The following USP6NL variants were observed in gnomAD, a reference collection of about 807,000 sequenced individuals.
USP6NL encodes the protein USP6 N-terminal-like protein.
USP6NL carries 26 observed loss-of-function variants against 61.9 expected under a neutral mutation model. The observed-to-expected ratio is 0.42, with a 90% CI of 0.31 to 0.58. USP6NL has a LOEUF of 0.58. Ranked by LOEUF, USP6NL falls within the 20% of genes least tolerant of loss-of-function variation. USP6NL has a pLI of 0.16. For synonymous variants in USP6NL, 432 were observed against 390.1 expected (o/e 1.11, Z -1.27); for missense variants, 1,114 against 1,034.3 (o/e 1.08, Z -1.06).
At chr10:11,512,595 T>C (rs527526216) in intron 5 of USP6NL, among the ~76,000 whole-genome samples, 1 of 152,336 alleles carries the variant, frequency 6.6e-6, no homozygotes, top group East Asian at 1.9e-4. Flanking sequence ...TGGCCCCAAT[T>C]CACCTTCCAG....
At chr10:11,467,860 G>A (rs1183908230) in intron 14 of USP6NL, among the ~76,000 whole-genome samples, 1 of 152,206 alleles carries the variant, frequency 6.6e-6, no homozygotes. Context: ...TAACAGAGAA[G>A]TATGAAGTTT....
At chr10:11,577,742 C>T (rs984778674) in intron 2 of USP6NL, among the ~76,000 whole-genome samples, 2 of 152,118 alleles carry the variant, frequency 1.3e-5, no homozygotes, top group Non-Finnish European at 2.9e-5. Flanking sequence ...CTCAGGTGAC[C>T]CGCCTGCCTC....
At chr10:11,570,252 G>A (rs943273828) in intron 2 of USP6NL, among the ~76,000 whole-genome samples, 2 of 152,136 alleles carry the variant, frequency 1.3e-5, no homozygotes, top group Non-Finnish European at 2.9e-5. Context: ...ACTGACTTTT[G>A]TCTCTGACCA....
At chr10:11,506,543 G>A (rs965235487) in intron 6 of USP6NL, among the ~76,000 whole-genome samples, 1 of 151,872 alleles carries the variant, frequency 6.6e-6, no homozygotes, top group African/African-American at 2.4e-5. Flanking sequence ...CAGCTACTTG[G>A]GAAGCTGAGG....
Position 11,485,173 on chromosome 10 carries a change from T to C in USP6NL, c.821A>G (p.Asp274Gly). ...GTTTTGTAAATAAATACTTACACGA[T>C]CAAGGAAACACTGAAAAAACCATTT... The part of the protein sequence containing the change: ...TMKWFFQCFL[D>G]RTPFTLNLRI... The change falls in exon 12 of 15, where the codon GAT becomes GGT. Residue 274 changes from aspartate to glycine, a missense_variant. Asp to Gly is a moderately conservative substitution (Grantham distance 94). Transcript: ENST00000609104. The surrounding 1 kb of genome is among the most constrained non-coding windows in gnomAD (Gnocchi z 4.8). 7 of 1,540,630 alleles carry C rather than the reference T, an allele frequency of 4.5e-6. No homozygotes were observed. Among genetic ancestry groups the C allele is most frequent in the Non-Finnish European group, 6.1e-6 (7 of 1,144,820 alleles).
chr10:11,515,097 T>C (rs1437816272), intron 5 of USP6NL, among the ~76,000 whole-genome samples: 1 of 152,186 alleles, frequency 6.6e-6, no homozygotes, highest in Non-Finnish European at 1.5e-5. Context: ...CTGGAACCAA[T>C]ATCTTCTTTG....
intron 1 of USP6NL, among the ~76,000 whole-genome samples, chr10:11,608,734 T>G (rs1564247914): frequency 6.6e-6 from 1 of 152,190 alleles, no homozygotes; most frequent in African/African-American, 2.4e-5. Context: ...CAGAAGGCAC[T>G]CAAAAAATAA....
intron 2 of USP6NL, among the ~76,000 whole-genome samples, chr10:11,579,767 T>C (rs572106190): frequency 1.6e-4 from 23 of 145,940 alleles, no homozygotes; most frequent in African/African-American, 4.6e-4. Context: ...ATGGGGGAGA[T>C]AGACTAGATC....
At chr10:11,494,729 G>A (rs1200864178) in intron 7 of USP6NL, among the ~76,000 whole-genome samples, 2 of 148,354 alleles carry the variant, frequency 1.3e-5, no homozygotes, top group African/African-American at 2.5e-5. Flanking sequence ...AGCTGAGGCA[G>A]AGAGAGAGAG....
intron 6 of USP6NL, 26 bp from the exon 7 acceptor site, chr10:11,501,234 G>T: frequency 6.4e-7 from 1 of 1,565,392 alleles, no homozygotes. Flanking sequence ...AGAAACTGAA[G>T]GTTACAAACT....
chr10:11,498,489 G>A (rs912815166), intron 7 of USP6NL, among the ~76,000 whole-genome samples: 1 of 151,826 alleles, frequency 6.6e-6, no homozygotes, highest in East Asian at 1.9e-4. Flanking sequence ...TAACCTTGGG[G>A]TGAAAAGTCA....
At chr10:11,547,750 C>T (rs1482381619) in intron 2 of USP6NL, among the ~76,000 whole-genome samples, 2 of 152,022 alleles carry the variant, frequency 1.3e-5, no homozygotes, top group Non-Finnish European at 2.9e-5. Context: ...CCGTGTTATC[C>T]AGGATGGTCT....
In USP6NL at chr10:11,600,333, G is replaced by C. The variant is rs1051960587; in HGVS notation, c.-83-2616C>G. Among the ~76,000 whole-genome samples the C allele has an allele frequency of 3.3e-5, 5 of 152,130 alleles. No individual in the cohort carries two copies. The highest frequency in any genetic ancestry group is 7.3e-5 in the Non-Finnish European group (5 of 68,032). The stretch of plus-strand genomic sequence containing the variant: ...GCCTTCCCTTGTGCTCCTACATGCA[G>C]AACAAGAAATGTATGCCCCAGGTAG... On this transcript the variant is annotated intron_variant, in intron 1 of 14. Transcript: ENST00000609104. This position sits in a 1 kb window ranked among gnomAD's most constrained non-coding sequence, Gnocchi z 4.1.
In USP6NL at chr10:11,561,509, C is replaced by T. The variant is rs376328536; in HGVS notation, c.5-33942G>A. ...ACATTGCTTTGCAATTATCTTTCTA[C>T]TCAAATATATTTCATAGACATTTTT... is the stretch of plus-strand genomic sequence containing the variant. On this transcript the variant is annotated intron_variant, in intron 2 of 14. Transcript: ENST00000609104. The surrounding 1 kb of genome is among the most constrained non-coding windows in gnomAD (Gnocchi z 4.1). 1.6e-4 allele frequency among the ~76,000 whole-genome samples: 24 copies of T among 152,342 alleles called. 1 individual carries two copies. Among genetic ancestry groups the T allele is most frequent in the African/African-American group, 5.5e-4 (23 of 41,574 alleles).
In USP6NL at chr10:11,490,883, A is replaced by G. The variant is rs748507593; in HGVS notation, c.495-3T>C. ...GCACATGGAATAAGGATTGTTGCCT[A>G]GAGAAAAAAATTTACATTAAATACA... On this transcript the variant is annotated splice_polypyrimidine_tract_variant and splice_region_variant and intron_variant, in intron 8 of 14. Transcript: ENST00000609104. This position sits in a 1 kb window ranked among gnomAD's most constrained non-coding sequence, Gnocchi z 4.5. The G allele has an allele frequency of 1.3e-6, 2 of 1,530,198 alleles. No homozygotes were observed. The highest frequency in any genetic ancestry group is 2.5e-5 in the South Asian group (2 of 78,978). 94.8% of individuals were successfully genotyped at this position (1,530,198 alleles called of 1,614,324 possible).
intron 2 of USP6NL, chr10:11,564,359 G>C (rs948614743): frequency 6.6e-6 from 1 of 152,046 alleles, no homozygotes; most frequent in African/African-American, 2.4e-5. Context: ...GAAGATTACT[G>C]GGCAGTCTGT....
intron 2 of USP6NL, among the ~76,000 whole-genome samples, chr10:11,541,327 G>T (rs949536999): frequency 7.0e-6 from 1 of 142,994 alleles, no homozygotes; most frequent in Non-Finnish European, 1.5e-5. Context: ...CTAAGAACCT[G>T]AGTGATAAGC....
intron 6 of USP6NL, among the ~76,000 whole-genome samples, chr10:11,508,951 A>G (rs1374400746): frequency 1.3e-5 from 2 of 152,246 alleles, no homozygotes; most frequent in Non-Finnish European, 2.9e-5. Flanking sequence ...TGACCTTTCA[A>G]ATAAAACTTA....
chr10:11,571,567 T>C (rs1837362887), intron 2 of USP6NL, among the ~76,000 whole-genome samples: 1 of 152,122 alleles, frequency 6.6e-6, no homozygotes, highest in South Asian at 2.1e-4. Flanking sequence ...CTATTTATAA[T>C]ATTAATATGA....
Sources: gnomAD v4.1 joint callset for allele counts (sites outside exome capture counted in the v4.1 genomes callset) on GRCh38, gnomAD v4.1.1 for gene constraint, Gnocchi (gnomAD v3.1) non-coding constraint, MANE v1.5 for transcripts, NCBI Gene and HGNC (gene_info 2026-07-23, HGNC 2026-07-21) for gene names.